The following GAB2 variants were observed in gnomAD, a reference collection of about 807,000 sequenced individuals.
GAB2 encodes the protein GRB2 associated binding protein 2.
A neutral mutation model predicts 65.5 loss-of-function variants in GAB2; 26 were observed. The observed-to-expected ratio is 0.40, with a 90% CI of 0.29 to 0.55. The LOEUF (loss-of-function observed/expected upper bound fraction) is 0.55, where lower values mean the gene tolerates loss of function less well. Ranked by LOEUF, GAB2 falls within the 20% of genes least tolerant of loss-of-function variation. The probability of loss-of-function intolerance (pLI) is 0.53; values close to 1 mark genes in which losing one functional copy is unlikely to be tolerated. For missense variants in GAB2, 884 were observed against 875.8 expected (o/e 1.01, Z -0.12); for synonymous variants, 321 against 329.6 (o/e 0.97, Z 0.28).
intron 1 of GAB2, among the ~76,000 whole-genome samples, chr11:78,309,938 G>A (rs1855454544): frequency 8.7e-6 from 1 of 114,398 alleles, no homozygotes; most frequent in Admixed American, 8.0e-5. Context: ...GTGTGTGTGT[G>A]TGTGTGTGTG....
chr11:78,292,984 A>G (rs1210665310), intron 1 of GAB2, among the ~76,000 whole-genome samples: 2 of 152,272 alleles, frequency 1.3e-5, no homozygotes, highest in Non-Finnish European at 2.9e-5. Context: ...CCAGACCCAC[A>G]AAGAACTTGA....
At chr11:78,343,873 T>C (rs542110715) in intron 1 of GAB2, among the ~76,000 whole-genome samples, 5 of 152,328 alleles carry the variant, frequency 3.3e-5, no homozygotes, top group African/African-American at 1.2e-4. Context: ...TAGTGTGTAT[T>C]TGATACTTGC....
intron 2 of GAB2, among the ~76,000 whole-genome samples, chr11:78,258,673 T>C (rs1017477353): frequency 5.3e-5 from 8 of 151,848 alleles, no homozygotes; most frequent in Admixed American, 3.9e-4. Context: ...TTATGGCTCA[T>C]TGCAGCCTCG....
chr11:78,280,401 CT>C (rs369231303), intron 2 of GAB2, 199 bp downstream of exon 2: 90 of 591,258 alleles, frequency 1.5e-4, no homozygotes, highest in East Asian at 2.2e-4. Context: ...AACCCCAACA[CT>C]TTTTTTTGGT....
intron 1 of GAB2, among the ~76,000 whole-genome samples, chr11:78,311,630 G>A (rs1046925353): frequency 1.3e-5 from 2 of 152,166 alleles, no homozygotes; most frequent in South Asian, 2.1e-4. Flanking sequence ...AAGCCTCTGC[G>A]TGCCAGGCTG....
At position 78,216,251 on chromosome 11, in the gene GAB2, G is replaced by C. The variant is rs1864140796; in HGVS notation, c.*3021C>G. The C allele has an allele frequency of 6.6e-6, 1 of 152,192 alleles. No individual in the cohort carries two copies. The highest frequency in any genetic ancestry group is 2.4e-5 in the African/African-American group (1 of 41,422). 9.4% of individuals were successfully genotyped at this position (152,192 alleles called of 1,614,324 possible). On this transcript the variant is annotated 3_prime_UTR_variant, in exon 10 of 10. Transcript: ENST00000361507. Reference sequence around the variant, plus strand: ...CCTTGCAGAAGTGGAGCTGGAAGTGGGTGAAGAAGGCTCCTTGGAGAGCCC... The same window carrying C: ...CCTTGCAGAAGTGGAGCTGGAAGTGCGTGAAGAAGGCTCCTTGGAGAGCCC...
intron 1 of GAB2, among the ~76,000 whole-genome samples, chr11:78,415,996 C>G (rs1216660849): frequency 7.3e-6 from 1 of 136,756 alleles, no homozygotes; most frequent in Non-Finnish European, 1.5e-5. Flanking sequence ...GTATGGAAAT[C>G]TATTTGTATA....
chr11:78,370,712 C>CGTGTGTGTGTGTATGT (rs1554995528), intron 1 of GAB2, among the ~76,000 whole-genome samples: 10 of 123,218 alleles, frequency 8.1e-5, no homozygotes, highest in African/African-American at 2.9e-4. Context: ...TGTGTGTGTG[C>CGTGTGTGTGTGTATGT]GTGTGTGTGT....
intron 1 of GAB2, among the ~76,000 whole-genome samples, chr11:78,297,473 G>A (rs1866865406): frequency 6.6e-6 from 1 of 152,124 alleles, no homozygotes; most frequent in South Asian, 2.1e-4. Flanking sequence ...TACTGGGTGT[G>A]AGGGAGTGTG....
chr11:78,315,138 G>T (rs111415455), intron 1 of GAB2, among the ~76,000 whole-genome samples: 5,653 of 152,250 alleles, frequency 0.037, 338 homozygotes, highest in African/African-American at 0.13. Flanking sequence ...AAAAGGGCAG[G>T]GGGGAGGAGG....
intron 2 of GAB2, among the ~76,000 whole-genome samples, chr11:78,259,923 G>C (rs913813701): frequency 2.6e-5 from 4 of 152,200 alleles, no homozygotes; most frequent in Non-Finnish European, 5.9e-5. Context: ...TGTGGGCCTG[G>C]GGGCAGGAGC....
At chr11:78,392,784 T>C (rs1010435881) in intron 1 of GAB2, among the ~76,000 whole-genome samples, 7 of 152,228 alleles carry the variant, frequency 4.6e-5, no homozygotes, top group Non-Finnish European at 1.5e-5. Context: ...ATTTGAAATG[T>C]TACTTTTCCA....
chr11:78,297,304 A>T (rs910983885), intron 1 of GAB2, among the ~76,000 whole-genome samples: 5 of 151,942 alleles, frequency 3.3e-5, no homozygotes, highest in African/African-American at 7.2e-5. Flanking sequence ...TTATAAAATT[A>T]AAAAATCTGA....
chr11:78,262,790 A>G (rs921404874), intron 2 of GAB2, among the ~76,000 whole-genome samples: 2 of 152,196 alleles, frequency 1.3e-5, no homozygotes, highest in African/African-American at 4.8e-5. Context: ...TACTATCTGT[A>G]CTGAGTGGGC....
intron 2 of GAB2, among the ~76,000 whole-genome samples, chr11:78,265,203 C>CATATAT (rs10530509): frequency 0.15 from 22,074 of 144,558 alleles, 1,920 homozygotes; most frequent in Non-Finnish European, 0.19. Flanking sequence ...TTCTATACCA[C>CATATAT]ATATATATAT....
intron 1 of GAB2, among the ~76,000 whole-genome samples, chr11:78,336,146 T>C (rs1269340192): frequency 6.6e-6 from 1 of 151,568 alleles, no homozygotes; most frequent in Non-Finnish European, 1.5e-5. Flanking sequence ...AAATCCTATC[T>C]CTACTAAAAA....
intron 1 of GAB2, among the ~76,000 whole-genome samples, chr11:78,327,203 C>A (rs1855838477): frequency 6.6e-6 from 1 of 152,160 alleles, no homozygotes; most frequent in Non-Finnish European, 1.5e-5. Context: ...ATTATCATCA[C>A]TTCTGTACAT....
chr11:78,284,115 C>G (rs888002304), intron 1 of GAB2, among the ~76,000 whole-genome samples: 3 of 152,162 alleles, frequency 2.0e-5, no homozygotes, highest in African/African-American at 7.2e-5. Flanking sequence ...CACCTTCAGC[C>G]TTCCAGTTGT....
rs1424791366 is a variant in GAB2 at position 78,250,163 on chromosome 11, T to C, written c.614A>G (p.Asn205Ser). 2 of 1,612,662 alleles carry C rather than the reference T, an allele frequency of 1.2e-6. No individual in the cohort carries two copies. The highest frequency in any genetic ancestry group is 3.3e-5 in the Admixed American group (2 of 59,830). ...GGCTGTGGCAGCCTCCTACCTTGCATTTTCTGCTCTTCGGCTTATGCACTG... is the reference window on the plus strand; with the variant it reads ...GGCTGTGGCAGCCTCCTACCTTGCACTTTCTGCTCTTCGGCTTATGCACTG... ...LHQCISRRAE[N>S]ARSASFSQGT... The change falls in exon 3 of 10, where the codon AAT (asparagine) becomes AGT (serine). Residue 205 changes from asparagine to serine, a missense_variant. Asn to Ser is a conservative substitution (Grantham distance 46). Coordinates refer to ENST00000361507, the MANE Select transcript of GAB2 (RefSeq NM_080491.3).
Sources: gnomAD v4.1 joint callset for allele counts (sites outside exome capture counted in the v4.1 genomes callset) on GRCh38, gnomAD v4.1.1 for gene constraint, MANE v1.5 for transcripts, NCBI Gene and HGNC (gene_info 2026-07-23, HGNC 2026-07-21) for gene names.